XKR4: variants seen among roughly 807,000 people sequenced by gnomAD.
XKR4 encodes the protein XK-related protein 4.
XKR4 carries 12 observed loss-of-function variants against 53.9 expected under a neutral mutation model. That is an observed-to-expected ratio of 0.22 (90% CI 0.14 to 0.36). The LOEUF (loss-of-function observed/expected upper bound fraction) is 0.36. XKR4 is among the 10% of genes least tolerant of loss of function. The pLI is 1.00. For synonymous variants in XKR4, 354 were observed against 362.4 expected (o/e 0.98, Z 0.26); for missense variants, 799 against 859.5 (o/e 0.93, Z 0.88).
intron 1 of XKR4, among the ~76,000 whole-genome samples, chr8:55,242,540 T>C (rs185037577): frequency 6.6e-6 from 1 of 152,238 alleles, no homozygotes; most frequent in African/African-American, 2.4e-5. Flanking sequence ...ATAGAGTAAA[T>C]AACAGTATTT....
intron 1 of XKR4, among the ~76,000 whole-genome samples, chr8:55,231,940 C>T (rs141144184): frequency 4.6e-5 from 7 of 152,304 alleles, no homozygotes; most frequent in African/African-American, 1.4e-4. Flanking sequence ...ACATTTCCCA[C>T]CTGAGGGCCA....
chr8:55,232,463 T>A (rs1585955491), intron 1 of XKR4, among the ~76,000 whole-genome samples: 3 of 152,284 alleles, frequency 2.0e-5, no homozygotes, highest in African/African-American at 4.8e-5. Context: ...ATTTTGAAAC[T>A]TTTTCCCCAA....
intron 1 of XKR4, among the ~76,000 whole-genome samples, chr8:55,120,907 G>A (rs1816382261): frequency 6.6e-6 from 1 of 152,134 alleles, no homozygotes; most frequent in Non-Finnish European, 1.5e-5. Flanking sequence ...GCAATGACTG[G>A]TGTTTTTACT....
At chr8:55,477,653 G>A (rs1806019638) in intron 2 of XKR4, among the ~76,000 whole-genome samples, 1 of 151,868 alleles carries the variant, frequency 6.6e-6, no homozygotes, top group Non-Finnish European at 1.5e-5. Flanking sequence ...AGTTAAAAAC[G>A]GTGAAAAAAA....
intron 1 of XKR4, among the ~76,000 whole-genome samples, chr8:55,225,144 G>A (rs1252594150): frequency 5.3e-5 from 8 of 152,206 alleles, no homozygotes; most frequent in Admixed American, 1.3e-4. Flanking sequence ...GCAACATAAC[G>A]TCACACAGTA....
intron 1 of XKR4, among the ~76,000 whole-genome samples, chr8:55,280,098 C>T (rs945577330): frequency 1.3e-5 from 2 of 152,066 alleles, no homozygotes; most frequent in Non-Finnish European, 2.9e-5. Context: ...TAAAAGATTG[C>T]CCACTTTTCA....
chr8:55,192,503 A>G (rs149343774), intron 1 of XKR4, among the ~76,000 whole-genome samples: 17 of 152,286 alleles, frequency 1.1e-4, no homozygotes, highest in African/African-American at 4.1e-4. Flanking sequence ...ATGGCTTGAA[A>G]AGAAAGTCCA....
At chr8:55,162,946 A>G (rs1483353202) in intron 1 of XKR4, among the ~76,000 whole-genome samples, 2 of 152,234 alleles carry the variant, frequency 1.3e-5, no homozygotes, top group African/African-American at 2.4e-5. Flanking sequence ...AATAGCCTAA[A>G]GTGTTACAAA....
intron 2 of XKR4, among the ~76,000 whole-genome samples, chr8:55,470,930 C>T (rs1011684486): frequency 6.6e-6 from 1 of 152,130 alleles, no homozygotes; most frequent in African/African-American, 2.4e-5. Flanking sequence ...ACATGAATCA[C>T]ACTATAATCC....
chr8:55,478,268 T>G (rs1462728677), intron 2 of XKR4, among the ~76,000 whole-genome samples: 1 of 152,082 alleles, frequency 6.6e-6, no homozygotes, highest in Non-Finnish European at 1.5e-5. Flanking sequence ...AAAAAGAATT[T>G]TCAACCCAGA....
At chr8:55,221,312 G>C (rs572820316) in intron 1 of XKR4, among the ~76,000 whole-genome samples, 1 of 152,318 alleles carries the variant, frequency 6.6e-6, no homozygotes, top group African/African-American at 2.4e-5. Context: ...CTCTAAAGAG[G>C]TGTGGTAAAA....
chr8:55,253,532 T>C (rs1488764416), intron 1 of XKR4, among the ~76,000 whole-genome samples: 1 of 152,218 alleles, frequency 6.6e-6, no homozygotes, highest in Non-Finnish European at 1.5e-5. Flanking sequence ...TTCTGTAATA[T>C]TTCTTTTCCA....
intron 2 of XKR4, among the ~76,000 whole-genome samples, chr8:55,365,769 G>GTGAGAGGA (rs1803974247): frequency 6.6e-6 from 1 of 152,022 alleles, no homozygotes; most frequent in South Asian, 2.1e-4. Context: ...TGCTGGGAGG[G>GTGAGAGGA]TGAGAGGATG....
At chr8:55,223,237 A>T (rs1158057550) in intron 1 of XKR4, among the ~76,000 whole-genome samples, 1 of 152,264 alleles carries the variant, frequency 6.6e-6, no homozygotes, top group Non-Finnish European at 1.5e-5. Flanking sequence ...CATAACTGAC[A>T]TAAGATTTCT....
intron 1 of XKR4, among the ~76,000 whole-genome samples, chr8:55,301,436 A>G (rs1819195079): frequency 6.6e-6 from 1 of 151,908 alleles, no homozygotes; most frequent in Non-Finnish European, 1.5e-5. Context: ...TGCTATTGTG[A>G]ATAGTGCCGC....
chr8:55,450,141 C>T (rs942252083), intron 2 of XKR4: 2 of 686,136 alleles, frequency 2.9e-6, no homozygotes, highest in African/African-American at 1.8e-5. Flanking sequence ...CTGTCTCCAA[C>T]CTCTGCAGGC....
chr8:55,227,483 G>T (rs1563487840), intron 1 of XKR4, among the ~76,000 whole-genome samples: 1 of 152,206 alleles, frequency 6.6e-6, no homozygotes, highest in Non-Finnish European at 1.5e-5. Context: ...TGCTCATCCA[G>T]CCTGAGGTTG....
intron 1 of XKR4, among the ~76,000 whole-genome samples, chr8:55,306,217 G>A (rs181429553): frequency 1.3e-5 from 2 of 152,304 alleles, no homozygotes; most frequent in Admixed American, 1.3e-4. Context: ...ATGGGTGGTA[G>A]GCTGTTTTCA....
Position 55,472,136 on chromosome 8 carries a change from G to C in XKR4, c.1007-51145G>C, listed in dbSNP as rs995487751. Among the ~76,000 whole-genome samples, 13 of 152,232 alleles carry C rather than the reference G, an allele frequency of 8.5e-5. 1 individual carries two copies. Among genetic ancestry groups the C allele is most frequent in the African/African-American group, 3.1e-4 (13 of 41,492 alleles). ...CATTCGAGTATCATGATCCTGTTCA[G>C]TGTCAGCCTGGAAATCAGGAGAAAG... On this transcript the variant is annotated intron_variant, in intron 2 of 2. Transcript: ENST00000327381.
Sources: gnomAD v4.1 joint callset for allele counts (sites outside exome capture counted in the v4.1 genomes callset) on GRCh38, gnomAD v4.1.1 for gene constraint, MANE v1.5 for transcripts, NCBI Gene and HGNC (gene_info 2026-07-23, HGNC 2026-07-21) for gene names.